Variants in C10orf90 observed in about 807,000 individuals in gnomAD.
C10orf90 encodes (E2-independent) E3 ubiquitin-conjugating enzyme FATS.
Under a neutral mutation model 62.5 loss-of-function variants are expected in C10orf90, and 56 were observed. The observed-to-expected ratio is 0.90, with a 90% CI of 0.72 to 1.12. The LOEUF is 1.12. Ranked by LOEUF, C10orf90 falls within the 50% of genes most tolerant of loss-of-function variation. The pLI is 0.00. For synonymous variants in C10orf90, 386 were observed against 340.4 expected (o/e 1.13, Z -1.47); for missense variants, 970 against 880.4 (o/e 1.10, Z -1.29).
At chr10:126,521,301 T>C (rs1321421450) in intron 2 of C10orf90, 1 of 1,614,068 alleles carries the variant, frequency 6.2e-7, no homozygotes, top group East Asian at 2.2e-5. Flanking sequence ...GAACATACCT[T>C]CTCCAGACAG....
intron 7 of C10orf90, among the ~76,000 whole-genome samples, chr10:126,438,783 C>T (rs1227317936): frequency 6.6e-6 from 1 of 151,516 alleles, no homozygotes; most frequent in Non-Finnish European, 1.5e-5. Context: ...GTGTATCTGG[C>T]ATACACAATC....
At chr10:126,570,734 C>T (rs1353941808) in intron 2 of C10orf90, among the ~76,000 whole-genome samples, 1 of 152,136 alleles carries the variant, frequency 6.6e-6, no homozygotes, top group African/African-American at 2.4e-5. Flanking sequence ...AAGCAAATCC[C>T]ATATTACTAT....
At chr10:126,444,689 A>G (rs958723266) in intron 7 of C10orf90, among the ~76,000 whole-genome samples, 6 of 152,166 alleles carry the variant, frequency 3.9e-5, no homozygotes, top group African/African-American at 1.2e-4. Flanking sequence ...TCCATGTGAA[A>G]TCAAAAAAGA....
intron 1 of C10orf90, among the ~76,000 whole-genome samples, chr10:126,656,585 C>T (rs1007123430): frequency 1.3e-5 from 2 of 152,186 alleles, no homozygotes; most frequent in African/African-American, 2.4e-5. Context: ...AAATTTATCA[C>T]GGCCACACAA....
intron 2 of C10orf90, among the ~76,000 whole-genome samples, chr10:126,569,335 C>A (rs1362219067): frequency 6.6e-6 from 1 of 152,138 alleles, no homozygotes; most frequent in Admixed American, 6.5e-5. Flanking sequence ...TCCTTTATTG[C>A]AGCACAGATC....
chr10:126,587,283 C>T (rs1844891909), intron 2 of C10orf90, among the ~76,000 whole-genome samples: 1 of 152,206 alleles, frequency 6.6e-6, no homozygotes. Flanking sequence ...ATTAAAATTC[C>T]TGTATCAGTC....
intron 2 of C10orf90, among the ~76,000 whole-genome samples, chr10:126,537,708 G>C (rs189839648): frequency 6.6e-6 from 1 of 152,286 alleles, no homozygotes; most frequent in Admixed American, 6.5e-5. Flanking sequence ...GAGAGATAGT[G>C]CTCTTTCATC....
At chr10:126,499,714 G>A (rs1591019134) in intron 4 of C10orf90, among the ~76,000 whole-genome samples, 2 of 152,138 alleles carry the variant, frequency 1.3e-5, no homozygotes, top group South Asian at 2.1e-4. Flanking sequence ...AAACTCCACC[G>A]AGGACATCTC....
At chr10:126,526,314 G>T (rs1212142925) in intron 2 of C10orf90, among the ~76,000 whole-genome samples, 3 of 149,434 alleles carry the variant, frequency 2.0e-5, no homozygotes, top group Admixed American at 6.7e-5. Context: ...GTGCAATCTC[G>T]GCTTGCTGCA....
intron 2 of C10orf90, among the ~76,000 whole-genome samples, chr10:126,623,601 G>A (rs1845687511): frequency 6.6e-6 from 1 of 152,018 alleles, no homozygotes; most frequent in Admixed American, 6.5e-5. Context: ...CAGCACTTTG[G>A]GAGGCCAAAG....
At chr10:126,665,468 T>G (rs930704382) in intron 1 of C10orf90, among the ~76,000 whole-genome samples, 20 of 152,184 alleles carry the variant, frequency 1.3e-4, no homozygotes, top group Non-Finnish European at 2.5e-4. Context: ...TTTACAAGAC[T>G]GAACGGTGTA....
At chr10:126,659,235 A>G (rs1846458036) in intron 1 of C10orf90, among the ~76,000 whole-genome samples, 1 of 152,232 alleles carries the variant, frequency 6.6e-6, no homozygotes, top group Non-Finnish European at 1.5e-5. Context: ...TGAGGCAGCC[A>G]ACCTAGAGCC....
chr10:126,476,544 G>A lies in C10orf90; in HGVS notation c.1535-11558C>T, dbSNP rs574151869. ...ACCCCAGCTGGTTTTCTCTGCCTCC[G>A]TCTCCTGTGACTGCGAGGCTTAGAC... On this transcript the variant is annotated intron_variant, in intron 4 of 9. Coordinates refer to ENST00000488181, the MANE Select transcript of C10orf90 (RefSeq NM_001350921.2). 3.7e-4 allele frequency among the ~76,000 whole-genome samples: 57 copies of A among 152,326 alleles called. 1 individual carries two copies. Among genetic ancestry groups the A allele is most frequent in the Admixed American group, 1.4e-3 (22 of 15,314 alleles).
chr10:126,648,796 G>A (rs1251307516), intron 1 of C10orf90, among the ~76,000 whole-genome samples: 7 of 151,642 alleles, frequency 4.6e-5, no homozygotes, highest in Non-Finnish European at 1.5e-5. Context: ...TCTCTCCTGG[G>A]TTGTTGTCTT....
intron 1 of C10orf90, among the ~76,000 whole-genome samples, chr10:126,654,620 C>T (rs1018946934): frequency 2.0e-5 from 3 of 152,188 alleles, no homozygotes; most frequent in African/African-American, 7.2e-5. Context: ...ACTGGAGTAG[C>T]ACTTTTAATT....
At chr10:126,496,508 G>T in intron 4 of C10orf90, 1 of 244,700 alleles carries the variant, frequency 4.1e-6, no homozygotes, top group Non-Finnish European at 6.5e-6. Flanking sequence ...ACCACATGAA[G>T]GACAATAAAG....
rs781112303 is a variant in C10orf90 at position 126,513,870 on chromosome 10, T to C, written c.383A>G (p.Glu128Gly). The C allele has an allele frequency of 8.1e-6, 13 of 1,612,268 alleles. No individual in the cohort carries two copies. The highest frequency in any genetic ancestry group is 1.3e-5 in the African/African-American group (1 of 75,006). The change falls in exon 3 of 10, where the codon GAG becomes GGG. Residue 128 changes from glutamate to glycine, a missense_variant. Coordinates refer to ENST00000488181, the MANE Select transcript of C10orf90 (RefSeq NM_001350921.2). Reference protein sequence around the residue: ...ALKNLQSDVTEAKSDFTKETL... With the variant: ...ALKNLQSDVTGAKSDFTKETL... ...TACCTTGGTGAAGTCAGATTTTGCC[T>C]CTGTGACATCAGACTGGAGATTTTT...
At chr10:126,515,568 G>T (rs565636357) in intron 2 of C10orf90, among the ~76,000 whole-genome samples, 1 of 152,304 alleles carries the variant, frequency 6.6e-6, no homozygotes, top group South Asian at 2.1e-4. Flanking sequence ...CCGCCTAGGT[G>T]CATAGGAGGC....
At position 126,590,138 on chromosome 10, in the gene C10orf90, A is replaced by G. The variant is rs115503012; in HGVS notation, c.313+56427T>C. Among the ~76,000 whole-genome samples, 685 of 152,356 alleles carry G rather than the reference A, an allele frequency of 4.5e-3. 4 individuals are homozygous for G. Among genetic ancestry groups the G allele is most frequent in the African/African-American group, 0.016 (657 of 41,594 alleles). On this transcript the variant is annotated intron_variant, in intron 2 of 9. Coordinates refer to ENST00000488181, the MANE Select transcript of C10orf90 (RefSeq NM_001350921.2). ...GGTAAAGTGTTCAACAAGAAGAGCT[A>G]ACTGTTATAAATATATATGTACCCA...
Sources: gnomAD v4.1 joint callset for allele counts (sites outside exome capture counted in the v4.1 genomes callset) on GRCh38, gnomAD v4.1.1 for gene constraint, MANE v1.5 for transcripts, NCBI Gene and HGNC (gene_info 2026-07-23, HGNC 2026-07-21) for gene names.